The following TMEM243 variants were observed in gnomAD, a reference collection of about 807,000 sequenced individuals.
TMEM243 encodes the protein MDR1 and mitochondrial taxol resistance associated.
In TMEM243, 20 loss-of-function variants were observed where a neutral mutation model predicts 15.0. The observed-to-expected ratio is 1.33, with a 90% CI of 0.94 to 1.93. The LOEUF (loss-of-function observed/expected upper bound fraction) is 1.93, where lower values mean the gene tolerates loss of function less well. Among genes scored for constraint, TMEM243 ranks in the 30% most tolerant of loss-of-function variants. TMEM243 has a pLI of 0.00. For missense variants in TMEM243, 156 were observed against 142.1 expected (o/e 1.10, Z -0.50); for synonymous variants, 72 against 52.7 (o/e 1.37, Z -1.59).
chr7:87,201,982 C>T (rs1000473548), intron 1 of TMEM243, among the ~76,000 whole-genome samples: 10 of 152,150 alleles, frequency 6.6e-5, no homozygotes, highest in Non-Finnish European at 1.2e-4. Context: ...ACAAAATATT[C>T]TGCAACAGGT....
At chr7:87,197,692 T>A in intron 3 of TMEM243, 2 of 942,492 alleles carry the variant, frequency 2.1e-6, no homozygotes, top group Non-Finnish European at 2.6e-6. Context: ...CCACTAATTT[T>A]TTTTTTTTTT....
intron 1 of TMEM243, among the ~76,000 whole-genome samples, chr7:87,211,031 A>T (rs1377875485): frequency 6.6e-6 from 1 of 152,184 alleles, no homozygotes; most frequent in African/African-American, 2.4e-5. Flanking sequence ...GGAGTCCAGG[A>T]CCTGATCCAC....
intron 3 of TMEM243, chr7:87,197,715 T>TAGA: frequency 3.6e-6 from 1 of 275,580 alleles, no homozygotes; most frequent in Non-Finnish European, 4.8e-6. Flanking sequence ...TTTTTTTTTT[T>TAGA]TAAGCTATCA....
chr7:87,200,793 G>GC (rs1801745571), intron 1 of TMEM243, among the ~76,000 whole-genome samples: 1 of 152,136 alleles, frequency 6.6e-6, no homozygotes, highest in African/African-American at 2.4e-5. Flanking sequence ...AAGATTCAGT[G>GC]CCAGGCCTCC....
chr7:87,203,306 GA>G (rs979435609), intron 1 of TMEM243, among the ~76,000 whole-genome samples: 148 of 152,080 alleles, frequency 9.7e-4, no homozygotes, highest in Middle Eastern at 3.4e-3. Context: ...GAATGGGGGG[GA>G]AAAAAAGCTA....
rs1334257403 is a variant in TMEM243 at position 87,219,596 on chromosome 7, C to T, written c.-93G>A. 8 of 1,166,974 alleles carry T rather than the reference C, an allele frequency of 6.9e-6. No individual in the cohort carries two copies. In the African/African-American group the frequency reaches 7.6e-5, roughly 11 times the overall value. The allele number at this position is 1,166,974 out of a possible 1,614,324, so 72.3% of individuals were successfully genotyped here. On this transcript the variant is annotated 5_prime_UTR_variant, in exon 1 of 4. It adds an upstream start codon to the 5' untranslated region. Coordinates refer to ENST00000257637, the MANE Select transcript of TMEM243 (RefSeq NM_024315.4). ...TCCACGACTGCAAGCCTCCTCCTCACGGCTCCCGCATAGCCGAACCCGAGT... is the reference window on the plus strand; with the variant it reads ...TCCACGACTGCAAGCCTCCTCCTCATGGCTCCCGCATAGCCGAACCCGAGT...
At chr7:87,205,602 C>G (rs1802159087) in intron 1 of TMEM243, among the ~76,000 whole-genome samples, 1 of 152,160 alleles carries the variant, frequency 6.6e-6, no homozygotes, top group South Asian at 2.1e-4. Flanking sequence ...TGCCACCAGT[C>G]TCTTTGCTAA....
At chr7:87,206,202 C>T (rs1290569922) in intron 1 of TMEM243, among the ~76,000 whole-genome samples, 2 of 152,048 alleles carry the variant, frequency 1.3e-5, no homozygotes, top group East Asian at 1.9e-4. Flanking sequence ...TCCCACAACA[C>T]GTGGGAATTA....
chr7:87,218,776 T>G (rs1484947521), intron 1 of TMEM243: 1 of 152,230 alleles, frequency 6.6e-6, no homozygotes, highest in Non-Finnish European at 1.5e-5. Flanking sequence ...ACTCAGAAAG[T>G]TAATGCTGAC....
intron 1 of TMEM243, among the ~76,000 whole-genome samples, chr7:87,217,624 A>T (rs566378776): frequency 7.2e-5 from 11 of 152,316 alleles, no homozygotes; most frequent in African/African-American, 2.4e-4. Context: ...TGTCAACTTC[A>T]CAGAGGGAGC....
chr7:87,198,127 T>A, intron 2 of TMEM243, 82 bp from the exon 3 acceptor site: 1 of 1,114,624 alleles, frequency 9.0e-7, no homozygotes, highest in Non-Finnish European at 1.3e-6. Flanking sequence ...GCAACAGTAC[T>A]ACAAAATGCT....
upstream of TMEM243, chr7:87,219,861 G>A (rs1584563755): frequency 3.2e-5 from 10 of 314,984 alleles, no homozygotes; most frequent in East Asian, 7.9e-4. Flanking sequence ...GGGTAGCGCC[G>A]CCCGCCGCTC....
rs376752461 is a variant in TMEM243, at chr7:87,212,885, T to C, written c.78+6541A>G. On this transcript the variant is annotated intron_variant, in intron 1 of 3. Coordinates refer to ENST00000257637, the MANE Select transcript of TMEM243 (RefSeq NM_024315.4). ...TACCATTAAAGAAGAGCTTATTCTA[T>C]AGTTAGGAGGCAAGACCTACACAAG... Among the ~76,000 whole-genome samples, 261 of 151,908 alleles carry C rather than the reference T, an allele frequency of 1.7e-3. 4 individuals are homozygous for C. Among genetic ancestry groups the C allele is most frequent in the African/African-American group, 5.6e-3 (231 of 41,380 alleles).
At chr7:87,206,991 C>T (rs1802270891) in intron 1 of TMEM243, among the ~76,000 whole-genome samples, 1 of 152,210 alleles carries the variant, frequency 6.6e-6, no homozygotes, top group South Asian at 2.1e-4. Flanking sequence ...GCAATGGCAC[C>T]ACAGAAGCTG....
intron 1 of TMEM243, among the ~76,000 whole-genome samples, chr7:87,209,612 CAGAGAGAGAGACTG>C (rs1299836173): frequency 2.6e-5 from 3 of 113,594 alleles, no homozygotes; most frequent in Non-Finnish European, 5.7e-5. Flanking sequence ...GAGAGAGAGA[CAGAGAGAGAGACTG>C]AGATAGAGAG....
chr7:87,197,716 T>TGCTAA, intron 3 of TMEM243: 1 of 118,872 alleles, frequency 8.4e-6, no homozygotes. Flanking sequence ...TTTTTTTTTT[T>TGCTAA]AAGCTATCAA....
intron 1 of TMEM243, among the ~76,000 whole-genome samples, chr7:87,203,606 T>A (rs1266107038): frequency 6.8e-6 from 1 of 148,126 alleles, no homozygotes; most frequent in Non-Finnish European, 1.5e-5. Context: ...AATGAGAATC[T>A]TAAAAAAAAA....
intron 1 of TMEM243, among the ~76,000 whole-genome samples, chr7:87,206,915 TCTTAC>T (rs2075379419): frequency 6.6e-6 from 1 of 152,338 alleles, no homozygotes; most frequent in African/African-American, 2.4e-5. Context: ...ATTCATCTCA[TCTTAC>T]CACTTAGGGC....
intron 1 of TMEM243, among the ~76,000 whole-genome samples, chr7:87,201,026 T>C (rs972693929): frequency 6.6e-6 from 1 of 152,256 alleles, no homozygotes; most frequent in Non-Finnish European, 1.5e-5. Flanking sequence ...ATCTAAACTT[T>C]AATGAATACT....
Sources: allele counts gnomAD v4.1 joint callset (sites outside exome capture counted in the v4.1 genomes callset), GRCh38; gene constraint gnomAD v4.1.1; transcripts MANE v1.5; gene names NCBI Gene and HGNC (gene_info 2026-07-23, HGNC 2026-07-21).